Variants in RAD51B observed in about 807,000 individuals in gnomAD.
The protein encoded by RAD51B is DNA repair protein RAD51 homolog 2.
In RAD51B, 38 loss-of-function variants were observed where a neutral mutation model predicts 42.2. The observed-to-expected ratio is 0.90, with a 90% CI of 0.70 to 1.18. RAD51B has a LOEUF of 1.18. Among genes scored for constraint, RAD51B ranks in the 50% most tolerant of loss-of-function variants. The pLI, the probability that RAD51B is intolerant of heterozygous loss-of-function variation, is 0.00. For synonymous variants in RAD51B, 154 were observed against 145.2 expected (o/e 1.06, Z -0.43); for missense variants, 373 against 400.7 (o/e 0.93, Z 0.59).
At chr14:68,037,882 AC>A (rs2076158881) in intron 7 of RAD51B, among the ~76,000 whole-genome samples, 1 of 152,246 alleles carries the variant, frequency 6.6e-6, no homozygotes, top group Non-Finnish European at 1.5e-5. Context: ...TTTGAAATAA[AC>A]AATTCCATAG....
rs138696633 is a variant in RAD51B at position 68,246,388 on chromosome 14, A to G, written c.757-45496A>G. Among the ~76,000 whole-genome samples the G allele has an allele frequency of 4.8e-3, 736 of 152,316 alleles. 7 individuals carry two copies. Among genetic ancestry groups the G allele is most frequent in the Middle Eastern group, 0.027 (8 of 294 alleles). ...AGGGCTAAATCTTCCAGGCCAAAAT[A>G]TGCCAGGGTTTGTACAAACCAGGGA... On this transcript the variant is annotated intron_variant, in intron 7 of 10. Transcript: ENST00000471583.
At chr14:67,978,496 C>T (rs2075034351) in intron 7 of RAD51B, among the ~76,000 whole-genome samples, 1 of 152,102 alleles carries the variant, frequency 6.6e-6, no homozygotes, top group South Asian at 2.1e-4. Flanking sequence ...TAGTTTTCTT[C>T]TTTACTCATC....
chr14:67,993,699 A>T lies in RAD51B; in HGVS notation c.756+106495A>T, dbSNP rs564569397. Among the ~76,000 whole-genome samples, 31 of 152,186 alleles carry T rather than the reference A, an allele frequency of 2.0e-4. No individual in the cohort carries two copies. In the South Asian group the frequency reaches 2.7e-3, roughly 13 times the overall value. ...TGATTTACTGATGTCCTTTTTGTGG[A>T]TGTATACCTAGCAGTGGGATTGCCA... On this transcript the variant is annotated intron_variant, in intron 7 of 10. Coordinates refer to ENST00000471583, the MANE Select transcript of RAD51B (RefSeq NM_133510.4).
chr14:68,652,212 A>G (rs574753730), intron 11 of RAD51B, among the ~76,000 whole-genome samples: 11 of 152,320 alleles, frequency 7.2e-5, no homozygotes, highest in South Asian at 6.2e-4. Context: ...GGCGATCTAA[A>G]TATAGCCCGC....
At chr14:68,596,356 C>T (rs1890999222), downstream of RAD51B, among the ~76,000 whole-genome samples, 1 of 152,088 alleles carries the variant, frequency 6.6e-6, no homozygotes, top group South Asian at 2.1e-4. Flanking sequence ...TTGACAGCTG[C>T]TCGGTGGGTT....
chr14:68,067,503 AAG>A, intron 7 of RAD51B, among the ~76,000 whole-genome samples: 1 of 151,902 alleles, frequency 6.6e-6, no homozygotes, highest in Non-Finnish European at 1.5e-5. Flanking sequence ...GGAAAAGAAA[AAG>A]AAATACATCA....
chr14:68,023,619 A>G (rs1206529072), intron 7 of RAD51B, among the ~76,000 whole-genome samples: 1 of 152,148 alleles, frequency 6.6e-6, no homozygotes, highest in Non-Finnish European at 1.5e-5. Context: ...GAGGCACCGC[A>G]CCTGACCTGC....
intron 10 of RAD51B, among the ~76,000 whole-genome samples, chr14:68,630,691 C>G (rs1892206940): frequency 6.6e-6 from 1 of 150,764 alleles, no homozygotes. Flanking sequence ...TCCAGACAAC[C>G]TTCGGCCGGT....
At chr14:68,254,333 C>T (rs753960374) in intron 7 of RAD51B, among the ~76,000 whole-genome samples, 1 of 152,136 alleles carries the variant, frequency 6.6e-6, no homozygotes, top group African/African-American at 2.4e-5. Context: ...TAGCATCAGC[C>T]CCTCTCCCCC....
At chr14:68,534,013 G>T (rs1179294187) in intron 10 of RAD51B, among the ~76,000 whole-genome samples, 1 of 152,164 alleles carries the variant, frequency 6.6e-6, no homozygotes, top group African/African-American at 2.4e-5. Context: ...ATGCGAGGAG[G>T]TGATAAATAG....
chr14:68,412,536 G>A (rs775810689), intron 9 of RAD51B, among the ~76,000 whole-genome samples: 4 of 152,156 alleles, frequency 2.6e-5, no homozygotes, highest in Non-Finnish European at 5.9e-5. Flanking sequence ...AAAAACAGGC[G>A]TGAGCTATTG....
intron 7 of RAD51B, among the ~76,000 whole-genome samples, chr14:68,105,471 CT>C (rs2077360991): frequency 6.6e-6 from 1 of 151,860 alleles, no homozygotes; most frequent in Non-Finnish European, 1.5e-5. Flanking sequence ...AAACTCGTTT[CT>C]TTTGGAGAGG....
At chr14:67,989,651 A>G (rs1218665541) in intron 7 of RAD51B, among the ~76,000 whole-genome samples, 10 of 151,026 alleles carry the variant, frequency 6.6e-5, no homozygotes, top group Non-Finnish European at 1.0e-4. Flanking sequence ...AAAAAAAAAA[A>G]AAAAAAGAAA....
chr14:68,185,463 A>G (rs1566713464), intron 7 of RAD51B, among the ~76,000 whole-genome samples: 1 of 152,232 alleles, frequency 6.6e-6, no homozygotes, highest in Non-Finnish European at 1.5e-5. Flanking sequence ...ATTTGCTGCT[A>G]CTACAGACTG....
At chr14:68,220,470 G>A (rs2079902332) in intron 7 of RAD51B, among the ~76,000 whole-genome samples, 1 of 152,090 alleles carries the variant, frequency 6.6e-6, no homozygotes, top group Non-Finnish European at 1.5e-5. Flanking sequence ...ACACCTTAAG[G>A]TAATATAAGC....
At chr14:68,282,927 C>G (rs897364308) in intron 7 of RAD51B, among the ~76,000 whole-genome samples, 3 of 152,190 alleles carry the variant, frequency 2.0e-5, no homozygotes, top group Non-Finnish European at 4.4e-5. Flanking sequence ...TTCAACTCCG[C>G]TCTACTATAT....
chr14:67,826,325 T>C (rs1441860108), intron 3 of RAD51B, among the ~76,000 whole-genome samples: 1 of 152,202 alleles, frequency 6.6e-6, no homozygotes, highest in African/African-American at 2.4e-5. Context: ...AAAAGGTAAT[T>C]AAAAATTTAT....
intron 7 of RAD51B, among the ~76,000 whole-genome samples, chr14:67,941,149 T>G (rs1426038832): frequency 1.3e-5 from 2 of 152,212 alleles, no homozygotes; most frequent in African/African-American, 2.4e-5. Context: ...TTGTTCATGG[T>G]CCTTCTGTAA....
intron 7 of RAD51B, among the ~76,000 whole-genome samples, chr14:68,088,886 G>A (rs1042184646): frequency 1.3e-5 from 2 of 152,080 alleles, no homozygotes; most frequent in Non-Finnish European, 2.9e-5. Flanking sequence ...TAATTAAGTG[G>A]TGAGGATGGA....
Sources: allele counts gnomAD v4.1 joint callset (sites outside exome capture counted in the v4.1 genomes callset), GRCh38; gene constraint gnomAD v4.1.1; transcripts MANE v1.5; gene names NCBI Gene and HGNC (gene_info 2026-07-23, HGNC 2026-07-21).